Variants in XPO7 observed in about 807,000 individuals in gnomAD.
The protein encoded by XPO7 is exportin 7, also known as exportin-7.
In XPO7, 21 loss-of-function variants were observed where a neutral mutation model predicts 144.3. The observed-to-expected ratio is 0.15, with a 90% CI of 0.10 to 0.21. The LOEUF is 0.21. XPO7 is among the 10% of genes least tolerant of loss of function. The pLI is 1.00. For synonymous variants in XPO7, 580 were observed against 499.6 expected, an observed-to-expected ratio of 1.16 and a Z score of -2.15; for missense variants, 808 against 1,325.8, an observed-to-expected ratio of 0.61 and a Z score of 6.06.
intron 17 of XPO7, 157 bp from the exon 18 acceptor site, chr8:21,990,654 C>T (rs997056970): frequency 2.9e-5 from 22 of 763,136 alleles, no homozygotes; most frequent in East Asian, 2.1e-4. Context: ...GTAGTGACAA[C>T]GGTAGCCTGC....
intron 1 of XPO7, among the ~76,000 whole-genome samples, chr8:21,922,774 AT>A (rs1455061817): frequency 2.0e-5 from 3 of 152,236 alleles, no homozygotes; most frequent in Non-Finnish European, 2.9e-5. Flanking sequence ...AATAATGGAA[AT>A]GAAGACTGAT....
intron 24 of XPO7, among the ~76,000 whole-genome samples, chr8:22,000,772 A>G (rs1813114899): frequency 6.6e-6 from 1 of 152,184 alleles, no homozygotes; most frequent in South Asian, 2.1e-4. Flanking sequence ...TAGTAGGTAT[A>G]TGTGTTCAGA....
At chr8:21,934,913 T>C (rs546741397) in intron 1 of XPO7, among the ~76,000 whole-genome samples, 13 of 152,328 alleles carry the variant, frequency 8.5e-5, no homozygotes, top group Admixed American at 5.9e-4. Flanking sequence ...AGGTGGATTG[T>C]AATAGCAAAA....
Position 22,005,419 on chromosome 8 carries a change from G to A in XPO7, c.*331G>A, listed in dbSNP as rs986434528. The A allele has an allele frequency of 2.0e-5, 4 of 197,828 alleles. No homozygotes were observed. The highest frequency in any genetic ancestry group is 3.1e-5 in the Non-Finnish European group (3 of 97,942). 12.3% of individuals were successfully genotyped at this position (197,828 alleles called of 1,614,324 possible). A position where few individuals can be genotyped will look rare whatever the true frequency, so the allele number is the denominator to read the frequency against. ...GCCACAACCTGCCTTGTATAAACAT[G>A]TACATTTTTTCATAACATTTTGAAC... On this transcript the variant is annotated 3_prime_UTR_variant, in exon 28 of 28. Transcript: ENST00000252512.
intron 1 of XPO7, among the ~76,000 whole-genome samples, chr8:21,921,115 G>A (rs1369890931): frequency 6.6e-6 from 1 of 152,182 alleles, no homozygotes; most frequent in Admixed American, 6.5e-5. Flanking sequence ...TAATTCAGAA[G>A]TGACAGTAAA....
At chr8:21,929,926 T>C (rs1020254931) in intron 1 of XPO7, among the ~76,000 whole-genome samples, 2 of 152,200 alleles carry the variant, frequency 1.3e-5, no homozygotes, top group Non-Finnish European at 2.9e-5. Context: ...GTTCTTAACA[T>C]AGAGATGTTT....
intron 5 of XPO7, among the ~76,000 whole-genome samples, chr8:21,972,423 G>C (rs1812096191): frequency 6.6e-6 from 1 of 152,116 alleles, no homozygotes; most frequent in African/African-American, 2.4e-5. Flanking sequence ...GTTGCAGCGA[G>C]CCAAGATCGC....
chr8:21,966,031 CTT>C (rs960550323), intron 1 of XPO7, among the ~76,000 whole-genome samples: 1 of 152,154 alleles, frequency 6.6e-6, no homozygotes, highest in African/African-American at 2.4e-5. Context: ...TTACTTTCCT[CTT>C]TGCCTTTAAA....
intron 1 of XPO7, among the ~76,000 whole-genome samples, chr8:21,920,556 C>T (rs748581855): frequency 4.6e-5 from 7 of 152,234 alleles, no homozygotes; most frequent in South Asian, 2.1e-4. Flanking sequence ...GGTCTTGATC[C>T]GGCTCAAGAG....
intron 1 of XPO7, among the ~76,000 whole-genome samples, chr8:21,939,225 C>T (rs368869703): frequency 2.8e-5 from 4 of 142,648 alleles, no homozygotes; most frequent in African/African-American, 1.0e-4. Flanking sequence ...TTTTTCTTTT[C>T]TTTTTTTTTT....
chr8:21,950,221 T>C (rs1811323606), intron 1 of XPO7, among the ~76,000 whole-genome samples: 1 of 152,244 alleles, frequency 6.6e-6, no homozygotes, highest in Admixed American at 6.5e-5. Flanking sequence ...GACTTTGCTT[T>C]AAACCTAATC....
At chr8:21,982,592 A>C (rs755098643) in intron 10 of XPO7, 48 bp from the exon 11 acceptor site, 1 of 1,528,430 alleles carries the variant, frequency 6.5e-7, no homozygotes, top group Admixed American at 2.2e-5. Flanking sequence ...TGGGACTAAC[A>C]CGTACAGAAA....
At chr8:21,983,616 T>G (rs912748897) in intron 11 of XPO7, among the ~76,000 whole-genome samples, 5 of 152,188 alleles carry the variant, frequency 3.3e-5, no homozygotes, top group African/African-American at 1.2e-4. Context: ...CTTCCACTCC[T>G]GAGGATTCGG....
At chr8:21,972,336 G>A (rs181624851) in intron 5 of XPO7, among the ~76,000 whole-genome samples, 6 of 152,204 alleles carry the variant, frequency 3.9e-5, no homozygotes, top group Non-Finnish European at 7.4e-5. Context: ...AAAATTAGCC[G>A]GGCGTGGTGG....
At chr8:21,975,494 G>T (rs548636083) in intron 6 of XPO7, among the ~76,000 whole-genome samples, 2 of 152,144 alleles carry the variant, frequency 1.3e-5, no homozygotes, top group Non-Finnish European at 2.9e-5. Context: ...TTAGCCTCTG[G>T]TTTTTTGTTC....
intron 1 of XPO7, among the ~76,000 whole-genome samples, chr8:21,936,940 G>A (rs1015809399): frequency 5.3e-5 from 8 of 152,146 alleles, no homozygotes; most frequent in Non-Finnish European, 5.9e-5. Context: ...ACTAGGCGAC[G>A]CAGTACTGGC....
At chr8:21,953,216 T>C (rs529664087) in intron 1 of XPO7, among the ~76,000 whole-genome samples, 1 of 152,130 alleles carries the variant, frequency 6.6e-6, no homozygotes, top group Admixed American at 6.6e-5. Context: ...GCCTTAGACA[T>C]CCCCTGTGCT....
At chr8:21,964,168 A>T (rs897678200) in intron 1 of XPO7, 1 of 152,208 alleles carries the variant, frequency 6.6e-6, no homozygotes, top group African/African-American at 2.4e-5. Flanking sequence ...AAGTTTCTCC[A>T]TGGATTATAG....
At chr8:21,988,418 A>AT (rs1306521321) in intron 15 of XPO7, 1 of 155,666 alleles carries the variant, frequency 6.4e-6, no homozygotes, top group Non-Finnish European at 1.4e-5. Flanking sequence ...CTTTGGTTAC[A>AT]TTTTTCCCTT....
Sources: allele counts gnomAD v4.1 joint callset (sites outside exome capture counted in the v4.1 genomes callset), GRCh38; gene constraint gnomAD v4.1.1; transcripts MANE v1.5; gene names NCBI Gene and HGNC (gene_info 2026-07-23, HGNC 2026-07-21).